The following ZP4 variants were observed in gnomAD, a reference collection of about 807,000 sequenced individuals.
The protein encoded by ZP4 is zona pellucida glycoprotein 4, also known as zona pellucida sperm-binding protein 4.
Under a neutral mutation model 62.3 loss-of-function variants are expected in ZP4, and 62 were observed. The ratio of observed to expected loss-of-function variants is 0.99; its 90% confidence interval spans 0.81 to 1.23. The LOEUF is 1.23. Among genes scored for constraint, ZP4 ranks in the 50% most tolerant of loss-of-function variants. The probability of loss-of-function intolerance (pLI) is 0.00; values close to 1 mark genes in which losing one functional copy is unlikely to be tolerated. For missense variants in ZP4, 774 were observed against 656.0 expected, an observed-to-expected ratio of 1.18 and a Z score of -1.97; for synonymous variants, 289 against 247.3, an observed-to-expected ratio of 1.17 and a Z score of -1.58.
rs200303706 is a variant in ZP4, at chr1:237,890,517, T to G, written c.119A>C (p.Gln40Pro). Residue 40 changes from glutamine to proline, a missense_variant, in exon 1 of 12, where the codon CAG becomes CCG. Coordinates refer to ENST00000366570, the MANE Select transcript of ZP4 (RefSeq NM_021186.5). ...CTCCTGGTTGAGGTTTACAGCAAAC[T>G]GGAAGCTCCACGGCCCACAGTGGAG... Reference protein sequence around the residue: ...SVLHCGPWSFQFAVNLNQEAT... With the variant: ...SVLHCGPWSFPFAVNLNQEAT... The G allele has an allele frequency of 6.9e-5, 111 of 1,614,092 alleles. No homozygotes were observed. In the African/African-American group the frequency reaches 1.3e-3, roughly 19 times the overall value.
At position 237,884,061 on chromosome 1, in the gene ZP4, CAA is replaced by C. The variant is rs1491544297; in HGVS notation, c.1390+706_1390+707del. On this transcript the variant is annotated intron_variant, in intron 10 of 11. Coordinates refer to ENST00000366570, the MANE Select transcript of ZP4 (RefSeq NM_021186.5). ...ACACACAAACACACACAAACACACACAAACACACACAAACACACACAAACACA... is the reference window on the plus strand; with the variant it reads ...ACACACAAACACACACAAACACACACACACACACAAACACACACAAACACA... Among the ~76,000 whole-genome samples, 125 of 141,046 alleles carry C rather than the reference CAA, an allele frequency of 8.9e-4. 2 individuals are homozygous for C. Among genetic ancestry groups the C allele is most frequent in the African/African-American group, 3.4e-3 (116 of 34,160 alleles). The allele number at this position is 141,046 out of a possible 152,430, so 92.5% of individuals were successfully genotyped here.
chr1:237,884,063 AAC>A (rs1241192850), intron 10 of ZP4, among the ~76,000 whole-genome samples: 1 of 137,940 alleles, frequency 7.2e-6, no homozygotes, highest in Non-Finnish European at 1.5e-5. Context: ...AACACACACA[AAC>A]ACACACAAAC....
At position 237,890,160 on chromosome 1, in the gene ZP4, C is replaced by A. The variant is rs1665206849; in HGVS notation, c.192G>T (p.Leu64=). The change falls in exon 2 of 12, where the codon CTG becomes CTT. Residue 64 remains leucine (L), a synonymous_variant. Coordinates refer to ENST00000366570, the MANE Select transcript of ZP4 (RefSeq NM_021186.5). Reference sequence around the variant, plus strand: ...AGTCGGAGTCATTCTGCAGCTCGTGCAGCAGCCCTTGGTTGTCTGGAGGGG... The same window carrying A: ...AGTCGGAGTCATTCTGCAGCTCGTGAAGCAGCCCTTGGTTGTCTGGAGGGG... ...VLIAWDNQGL[L]HELQNDSDCG... is the part of the protein sequence containing the mutation. 7 of 1,614,002 alleles carry A rather than the reference C, an allele frequency of 4.3e-6. No individual in the cohort carries two copies. The highest frequency in any genetic ancestry group is 5.9e-6 in the Non-Finnish European group (7 of 1,180,014).
In ZP4 at chr1:237,890,710, A is replaced by C; in HGVS notation, c.-75T>G. The C allele has an allele frequency of 2.0e-6, 3 of 1,500,150 alleles. No individual in the cohort carries two copies. The highest frequency in any genetic ancestry group is 2.7e-6 in the Non-Finnish European group (3 of 1,114,374). 92.9% of individuals were successfully genotyped at this position (1,500,150 alleles called of 1,614,324 possible). A position where few individuals can be genotyped will look rare whatever the true frequency, so the allele number is the denominator to read the frequency against. ...AAGAGCCGAGGGTCTGCCTGCCCAGATTCCTTTATATACAGAAGTCAGGCT... is the reference window on the plus strand; with the variant it reads ...AAGAGCCGAGGGTCTGCCTGCCCAGCTTCCTTTATATACAGAAGTCAGGCT... On this transcript the variant is annotated 5_prime_UTR_variant, in exon 1 of 12. Coordinates refer to ENST00000366570, the MANE Select transcript of ZP4 (RefSeq NM_021186.5).
Position 237,889,912 on chromosome 1 carries a change from C to T in ZP4, c.355G>A (p.Val119Met). 1 of 1,613,910 alleles carries T rather than the reference C, an allele frequency of 6.2e-7. No individual in the cohort carries two copies. Among genetic ancestry groups the T allele is most frequent in the Non-Finnish European group, 8.5e-7 (1 of 1,179,986 alleles). The change falls in exon 3 of 12, where the codon GTG (valine) becomes ATG (methionine). Residue 119 changes from valine (V) to methionine (M), a missense_variant. Transcript: ENST00000366570. ...TTGAGCAGCTTCCTCTCTGTAACCA[C>T]CTTGTGTTCAGCCGCGCCTGCTCCT... ...VEGAGAAEHK[V>M]VTERKLLKCP...
Position 237,885,445 on chromosome 1 carries a change from G to T in ZP4, c.1106C>A (p.Ala369Glu). The T allele has an allele frequency of 6.2e-7, 1 of 1,614,030 alleles. No individual in the cohort carries two copies. Among genetic ancestry groups the T allele is most frequent in the South Asian group, 1.1e-5 (1 of 91,066 alleles). ...ACTCAGGGGGTCAGTGCTGGGTGTT[G>T]CCCAACACTGTTGTAGGAGCAGCCC... ...YLGLLLQQCW[A>E]TPSTDPLSQP... Residue 369 changes from alanine to glutamate, a missense_variant, in exon 8 of 12, where the codon GCA becomes GAA. Transcript: ENST00000366570.
Position 237,885,495 on chromosome 1 carries a change from G to C in ZP4, c.1056C>G (p.Ile352Met). The C allele has an allele frequency of 6.2e-7, 1 of 1,614,132 alleles. No homozygotes were observed. The highest frequency in any genetic ancestry group is 8.5e-7 in the Non-Finnish European group (1 of 1,180,016). Residue 352 changes from isoleucine (I) to methionine (M), a missense_variant, in exon 8 of 12, where the codon ATC becomes ATG. By Grantham distance (10) the Ile-to-Met change is conservative (BLOSUM62 1). Coordinates refer to ENST00000366570, the MANE Select transcript of ZP4 (RefSeq NM_021186.5). ...CCAGGTAGGGGTCTGTTCTGTGAAG[G>C]ATGGAGACCTCCACGTAAATGGGAT... ...LRDPIYVEVS[I>M]LHRTDPYLGL...
rs1665191970 is a variant in ZP4, at chr1:237,889,719, G to T, written c.400+148C>A. 7.9e-6 allele frequency: 6 copies of T among 756,438 alleles called. No individual in the cohort carries two copies. In the South Asian group the frequency reaches 9.6e-5, roughly 12 times the overall value. The allele number at this position is 756,438 out of a possible 1,614,324, so 46.9% of individuals were successfully genotyped here. On this transcript the variant is annotated intron_variant, in intron 3 of 11. Transcript: ENST00000366570. ...AGTCTCAATTGGTAGTTATCCTAAG[G>T]ATTGCCCATGGAGGTGAGAGTTGGG...
At chr1:237,890,322 AC>A (rs1571936519) in intron 1 of ZP4, 138 bp downstream of exon 1, 1 of 1,493,978 alleles carries the variant, frequency 6.7e-7, no homozygotes, top group East Asian at 2.3e-5. Context: ...TGTAGTTATA[AC>A]TTAGACTATT....
rs973939155 is a variant in ZP4 at position 237,885,850 on chromosome 1, G to T, written c.876C>A (p.Asn292Lys). ...AAACCTGGACATTGATTGGGAGAGA[G>T]TTGCTACTTACTGAGTAGCTGCAGC... is the stretch of plus-strand genomic sequence containing the variant. ...HVSCSYSVSS[N>K]SLPINVQVFT... The change falls in exon 7 of 12, where the codon AAC becomes AAA. Residue 292 changes from asparagine (N) to lysine (K), a missense_variant. Transcript: ENST00000366570. 3.1e-6 allele frequency: 5 copies of T among 1,614,066 alleles called. No homozygotes were observed. Among genetic ancestry groups the T allele is most frequent in the Non-Finnish European group, 4.2e-6 (5 of 1,180,036 alleles).
At chr1:237,885,681 C>T (rs755330088) in intron 7 of ZP4, 75 bp downstream of exon 7, 2 of 1,595,564 alleles carry the variant, frequency 1.3e-6, no homozygotes, top group South Asian at 1.1e-5. Flanking sequence ...TGTCTTGTTA[C>T]TAACTTAGGG....
At chr1:237,886,703 G>A (rs1665109796) in intron 6 of ZP4, 68 bp downstream of exon 6, 4 of 1,333,942 alleles carry the variant, frequency 3.0e-6, no homozygotes, top group Admixed American at 1.8e-5. Context: ...GCTCATTTGT[G>A]GATTCAGGGC....
At chr1:237,884,063 A>AAAC (rs1558531318) in intron 10 of ZP4, among the ~76,000 whole-genome samples, 25 of 138,026 alleles carry the variant, frequency 1.8e-4, no homozygotes, top group African/African-American at 7.2e-4. Flanking sequence ...AACACACACA[A>AAAC]ACACACACAA....
At chr1:237,883,997 C>CACACAA (rs1665018669) in intron 10 of ZP4, among the ~76,000 whole-genome samples, 15 of 98,938 alleles carry the variant, frequency 1.5e-4, no homozygotes, top group South Asian at 7.0e-4. Context: ...CACACACACA[C>CACACAA]ACACACACAC....
chr1:237,885,974 A>C (rs1665092935), intron 6 of ZP4, 88 bp from the exon 7 acceptor site: 1 of 1,554,342 alleles, frequency 6.4e-7, no homozygotes, highest in Non-Finnish European at 8.7e-7. Flanking sequence ...GAAAGCATTA[A>C]GTGCTAGACA....
At chr1:237,885,113 A>C (rs1470452796) in intron 9 of ZP4, 52 bp downstream of exon 9, 1 of 1,590,474 alleles carries the variant, frequency 6.3e-7, no homozygotes, top group Non-Finnish European at 8.5e-7. Flanking sequence ...AAACAGTTGT[A>C]AGTTGGGGAG....
Position 237,886,868 on chromosome 1 carries a change from T to C in ZP4, c.742A>G (p.Ile248Val). Residue 248 changes from isoleucine to valine, a missense_variant and splice_region_variant, in exon 6 of 12, where the codon ATC (isoleucine) becomes GTC (valine). By Grantham distance (29) the Ile-to-Val change is conservative (BLOSUM62 3). Transcript: ENST00000366570. ...PFTSCGTTRQ[I>V]TGDRAVYENE... ...TCATATACTGCTCGGTCTCCAGTGA[T>C]CTACAGGAATAGATGGAGAAGTCTT... The C allele has an allele frequency of 6.2e-7, 1 of 1,612,974 alleles. No individual in the cohort carries two copies. The highest frequency in any genetic ancestry group is 8.5e-7 in the Non-Finnish European group (1 of 1,179,052).
chr1:237,889,206 C>T (rs1665178519), intron 3 of ZP4, among the ~76,000 whole-genome samples: 1 of 152,142 alleles, frequency 6.6e-6, no homozygotes. Flanking sequence ...TCCTATCATT[C>T]TCCCCATGGG....
At chr1:237,888,537 G>T (rs1665163066) in intron 3 of ZP4, 27 bp from the exon 4 acceptor site, 4 of 1,565,308 alleles carry the variant, frequency 2.6e-6, no homozygotes, top group Non-Finnish European at 3.5e-6. Context: ...AGTAAGTCAG[G>T]TTAGATAATG....
Sources: allele counts gnomAD v4.1 joint callset (sites outside exome capture counted in the v4.1 genomes callset), GRCh38; gene constraint gnomAD v4.1.1; transcripts MANE v1.5; gene names NCBI Gene and HGNC (gene_info 2026-07-23, HGNC 2026-07-21).